Variants in MEMO1 observed in about 807,000 individuals in gnomAD.
MEMO1 encodes the protein mediator of cell motility 1.
A neutral mutation model predicts 45.2 loss-of-function variants in MEMO1; 6 were observed. That is an observed-to-expected ratio of 0.13 (90% confidence interval 0.07 to 0.26). The LOEUF (loss-of-function observed/expected upper bound fraction) is 0.26. MEMO1 is among the 10% of genes least tolerant of loss of function. The probability of loss-of-function intolerance (pLI) is 1.00; values close to 1 mark genes in which losing one functional copy is unlikely to be tolerated. For missense variants in MEMO1, 184 were observed against 370.5 expected (o/e 0.50, Z 4.13); for synonymous variants, 78 against 124.3 (o/e 0.63, Z 2.48).
chr2:31,897,070 T>G (rs1572604146), intron 6 of MEMO1, among the ~76,000 whole-genome samples: 1 of 152,200 alleles, frequency 6.6e-6, no homozygotes, highest in East Asian at 1.9e-4. Context: ...CACACTGATT[T>G]TGTATCCTGA....
intron 2 of MEMO1, among the ~76,000 whole-genome samples, chr2:31,962,584 C>T (rs1042629190): frequency 2.0e-5 from 3 of 152,106 alleles, no homozygotes. Context: ...GAAAAGGCAT[C>T]TAAAAATTAA....
intron 8 of MEMO1, among the ~76,000 whole-genome samples, chr2:31,874,813 T>C (rs750326675): frequency 6.6e-5 from 10 of 151,898 alleles, no homozygotes; most frequent in Admixed American, 4.6e-4. Context: ...AAATTATTTA[T>C]AATATAAAAT....
At chr2:32,009,618 G>A (rs1674556556) in intron 2 of MEMO1, among the ~76,000 whole-genome samples, 1 of 152,226 alleles carries the variant, frequency 6.6e-6, no homozygotes, top group Non-Finnish European at 1.5e-5. Context: ...GGCTGCGGGC[G>A]CGGGGGCTCG....
At chr2:31,973,580 G>A (rs903108208) in intron 2 of MEMO1, among the ~76,000 whole-genome samples, 5 of 152,080 alleles carry the variant, frequency 3.3e-5, no homozygotes, top group African/African-American at 4.8e-5. Flanking sequence ...TCCGTCAGCA[G>A]ATAAATGGAA....
chr2:31,889,584 C>G (rs1204624909), intron 7 of MEMO1, among the ~76,000 whole-genome samples: 1 of 151,988 alleles, frequency 6.6e-6, no homozygotes, highest in Non-Finnish European at 1.5e-5. Flanking sequence ...TAACCCATAA[C>G]TGGTCAATAA....
At chr2:31,987,155 A>G (rs1331403697) in intron 2 of MEMO1, among the ~76,000 whole-genome samples, 1 of 151,926 alleles carries the variant, frequency 6.6e-6, no homozygotes, top group Non-Finnish European at 1.5e-5. Context: ...AAGTGTGTAC[A>G]ATAATGCCTG....
At chr2:31,932,672 T>A (rs1664329586) in intron 3 of MEMO1, among the ~76,000 whole-genome samples, 1 of 152,144 alleles carries the variant, frequency 6.6e-6, no homozygotes, top group Admixed American at 6.5e-5. Context: ...TGGGGTCAAG[T>A]GATCCTCCTG....
intron 2 of MEMO1, 120 bp from the exon 3 acceptor site, chr2:31,943,503 T>A (rs1320359324): frequency 1.3e-6 from 1 of 742,622 alleles, no homozygotes; most frequent in Non-Finnish European, 2.4e-6. Flanking sequence ...CGCAATAGGA[T>A]CATCAGTTGG....
intron 2 of MEMO1, among the ~76,000 whole-genome samples, chr2:31,944,911 T>C (rs1666021777): frequency 6.6e-6 from 1 of 152,152 alleles, no homozygotes; most frequent in South Asian, 2.1e-4. Flanking sequence ...ACATACCCAC[T>C]GCCTAAATAA....
At chr2:31,890,071 C>T (rs1322569722) in intron 7 of MEMO1, among the ~76,000 whole-genome samples, 3 of 152,100 alleles carry the variant, frequency 2.0e-5, no homozygotes, top group Non-Finnish European at 2.9e-5. Context: ...CTCTCAGCCA[C>T]TGTAGTTACA....
intron 4 of MEMO1, among the ~76,000 whole-genome samples, chr2:31,929,275 A>G (rs1034196052): frequency 3.3e-5 from 5 of 152,078 alleles, no homozygotes; most frequent in Non-Finnish European, 5.9e-5. Context: ...TTTAGCCTCT[A>G]AGTACTATGA....
chr2:31,933,317 TAAAAAAAAA>T (rs34487390), intron 3 of MEMO1, among the ~76,000 whole-genome samples: 8 of 24,108 alleles, frequency 3.3e-4, no homozygotes, highest in African/African-American at 8.9e-4. Flanking sequence ...ACCACCTCTT[TAAAAAAAAA>T]AAAAAAAAAA....
intron 8 of MEMO1, among the ~76,000 whole-genome samples, chr2:31,878,084 T>G (rs1361884166): frequency 6.6e-6 from 1 of 152,102 alleles, no homozygotes; most frequent in African/African-American, 2.4e-5. Flanking sequence ...GGATGTAGGA[T>G]GCAAAATTAA....
intron 3 of MEMO1, among the ~76,000 whole-genome samples, chr2:31,939,769 T>C (rs1407779776): frequency 1.3e-5 from 2 of 152,160 alleles, no homozygotes; most frequent in Non-Finnish European, 2.9e-5. Flanking sequence ...ACAAACACTT[T>C]AAAATCTCAC....
intron 6 of MEMO1, among the ~76,000 whole-genome samples, chr2:31,903,030 T>C (rs1001077528): frequency 1.3e-5 from 2 of 152,230 alleles, no homozygotes; most frequent in South Asian, 4.1e-4. Context: ...ATATAAATAA[T>C]TAAAATCTTA....
At chr2:31,908,592 T>TAA (rs1451162092) in intron 6 of MEMO1, among the ~76,000 whole-genome samples, 2 of 152,058 alleles carry the variant, frequency 1.3e-5, no homozygotes, top group African/African-American at 2.4e-5. Context: ...CAGGAATACT[T>TAA]AAAGGGTAAT....
chr2:31,959,812 C>G (rs1667803398), intron 2 of MEMO1, among the ~76,000 whole-genome samples: 1 of 152,136 alleles, frequency 6.6e-6, no homozygotes, highest in Non-Finnish European at 1.5e-5. Flanking sequence ...ACAAAGAAAG[C>G]TATCTATTAA....
At chr2:31,894,204 T>G (rs1042014393) in intron 6 of MEMO1, among the ~76,000 whole-genome samples, 4 of 152,184 alleles carry the variant, frequency 2.6e-5, no homozygotes, top group Admixed American at 6.5e-5. Context: ...GAGAAGAGCA[T>G]GTTCATGAAA....
chr2:31,909,745 G>C (rs1572647364), intron 6 of MEMO1, among the ~76,000 whole-genome samples: 1 of 152,066 alleles, frequency 6.6e-6, no homozygotes. Context: ...ATTCTTCAAA[G>C]AAATTTTTTT....
Sources: allele counts gnomAD v4.1 joint callset (sites outside exome capture counted in the v4.1 genomes callset), GRCh38; gene constraint gnomAD v4.1.1; transcripts MANE v1.5; gene names NCBI Gene and HGNC (gene_info 2026-07-23, HGNC 2026-07-21).